The following PTPRN2 variants were observed in gnomAD, a reference collection of about 807,000 sequenced individuals.
PTPRN2 encodes receptor-type tyrosine-protein phosphatase N2.
PTPRN2 carries 74 observed loss-of-function variants against 118.8 expected under a neutral mutation model. That is an observed-to-expected ratio of 0.62 (90% CI 0.52 to 0.76). The LOEUF is 0.76. Among genes scored for constraint, PTPRN2 ranks in the 30% least tolerant of loss-of-function variants. The pLI, the probability that PTPRN2 is intolerant of heterozygous loss-of-function variation, is 0.00. For synonymous variants in PTPRN2, 641 were observed against 608.0 expected (o/e 1.05, Z -0.80); for missense variants, 1,481 against 1,394.4 (o/e 1.06, Z -0.99).
intron 12 of PTPRN2, among the ~76,000 whole-genome samples, chr7:157,846,960 T>A (rs1052427967): frequency 2.0e-5 from 3 of 150,856 alleles, no homozygotes; most frequent in Admixed American, 6.6e-5. Flanking sequence ...GTGTGCCCAA[T>A]GTTTACAGAG....
At chr7:158,417,386 T>A (rs1015972658) in intron 2 of PTPRN2, among the ~76,000 whole-genome samples, 2 of 151,586 alleles carry the variant, frequency 1.3e-5, no homozygotes, top group Non-Finnish European at 2.9e-5. Flanking sequence ...CGAGATGCTG[T>A]AGCTTTCAGT....
intron 1 of PTPRN2, among the ~76,000 whole-genome samples, chr7:158,541,970 AAC>A (rs1452356327): frequency 1.3e-5 from 2 of 152,298 alleles, no homozygotes; most frequent in Non-Finnish European, 2.9e-5. Context: ...ACCATGAATT[AAC>A]AGACTGCCAA....
intron 12 of PTPRN2, among the ~76,000 whole-genome samples, chr7:157,895,093 G>A (rs765869236): frequency 6.6e-6 from 1 of 152,134 alleles, no homozygotes; most frequent in Non-Finnish European, 1.5e-5. Context: ...AGCAGGAGCT[G>A]TAGAAAGCGA....
intron 12 of PTPRN2, among the ~76,000 whole-genome samples, chr7:157,725,434 C>T (rs1799508596): frequency 1.0e-5 from 1 of 96,282 alleles, no homozygotes; most frequent in African/African-American, 4.5e-5. Flanking sequence ...CCTCGCCTCC[C>T]AGGAGAACTG....
intron 9 of PTPRN2, among the ~76,000 whole-genome samples, chr7:158,116,621 A>G (rs910977948): frequency 6.6e-6 from 1 of 152,256 alleles, no homozygotes. Context: ...TTCTCATCAC[A>G]GAGGTGCAGG....
chr7:157,746,972 T>C (rs1333342209), intron 12 of PTPRN2, among the ~76,000 whole-genome samples: 2 of 150,294 alleles, frequency 1.3e-5, no homozygotes, highest in Admixed American at 1.3e-4. Context: ...GTCTCTCAGC[T>C]GTGGGCTGTT....
At chr7:157,824,842 G>T (rs113386133) in intron 12 of PTPRN2, among the ~76,000 whole-genome samples, 1 of 152,192 alleles carries the variant, frequency 6.6e-6, no homozygotes, top group South Asian at 2.1e-4. Context: ...GGCAGAACCC[G>T]CCTCGCCTTG....
intron 1 of PTPRN2, among the ~76,000 whole-genome samples, chr7:158,506,853 T>C (rs1387862497): frequency 6.6e-6 from 1 of 152,076 alleles, no homozygotes; most frequent in Non-Finnish European, 1.5e-5. Context: ...GCCAGCCCGA[T>C]GGTTGCAAGA....
rs1827223794 is a variant in PTPRN2, at chr7:158,559,163, G to A, written c.112+28395C>T. Among the ~76,000 whole-genome samples, 3 of 152,116 alleles carry A rather than the reference G, an allele frequency of 2.0e-5. No homozygotes were observed. In the South Asian group the frequency reaches 6.2e-4, roughly 32 times the overall value. On this transcript the variant is annotated intron_variant, in intron 1 of 22. Coordinates refer to ENST00000389418, the MANE Select transcript of PTPRN2 (RefSeq NM_002847.5). ...GAGATTCTTCTCTCATGTTTTCTTT[G>A]TTCTTCATCACCCCATTTAAAAAGG... is the stretch of plus-strand genomic sequence containing the variant.
chr7:158,582,812 A>AAC (rs1828703288), intron 1 of PTPRN2, among the ~76,000 whole-genome samples: 1 of 151,464 alleles, frequency 6.6e-6, no homozygotes, highest in African/African-American at 2.4e-5. Flanking sequence ...AAAAAAAAAA[A>AAC]AAAAAAAAAG....
In PTPRN2 at chr7:158,252,951, G is replaced by A. The variant is rs112782580; in HGVS notation, c.278-47678C>T. Among the ~76,000 whole-genome samples the A allele has an allele frequency of 6.9e-4, 105 of 152,268 alleles. 1 individual carries two copies. The highest frequency in any genetic ancestry group is 2.0e-3 in the African/African-American group (85 of 41,548). ...ATCTTCCCTCACCCTTGGGCTGGCG[G>A]AGTGAGAGTCCCTGTGGCCCGAGGT... On this transcript the variant is annotated intron_variant, in intron 3 of 22. Coordinates refer to ENST00000389418, the MANE Select transcript of PTPRN2 (RefSeq NM_002847.5).
Position 158,171,254 on chromosome 7 carries a change from CAT to C in PTPRN2, c.550-3965_550-3964del, listed in dbSNP as rs1179545495. On this transcript the variant is annotated intron_variant, in intron 5 of 22. Coordinates refer to ENST00000389418, the MANE Select transcript of PTPRN2 (RefSeq NM_002847.5). ...ACATATATATACACATATATACACA[CAT>C]ATATATACACACATATATACACACA... 1.2e-3 allele frequency among the ~76,000 whole-genome samples: 144 copies of C among 122,202 alleles called. 8 individuals are homozygous for C. Among genetic ancestry groups the C allele is most frequent in the East Asian group, 6.8e-3 (28 of 4,134 alleles). The allele number at this position is 122,202 out of a possible 152,430, so 80.2% of individuals were successfully genotyped here. A position where few individuals can be genotyped will look rare whatever the true frequency, so the allele number is the denominator to read the frequency against.
At chr7:158,365,836 G>GCGCACACA (rs1554480252) in intron 2 of PTPRN2, among the ~76,000 whole-genome samples, 3 of 14,740 alleles carry the variant, frequency 2.0e-4, no homozygotes, top group Non-Finnish European at 1.1e-3. Context: ...GTGCATGCGT[G>GCGCACACA]CACACACACA....
chr7:157,576,509 G>A, intron 19 of PTPRN2, 104 bp downstream of exon 19: 1 of 1,233,402 alleles, frequency 8.1e-7, no homozygotes, highest in South Asian at 1.6e-5. Flanking sequence ...CGCCGACACA[G>A]ACGCGGCCCT....
chr7:158,209,152 C>T (rs1827389731), intron 3 of PTPRN2, among the ~76,000 whole-genome samples: 1 of 150,342 alleles, frequency 6.7e-6, no homozygotes, highest in South Asian at 2.1e-4. Context: ...AAGAGAAGAC[C>T]ACAAAACAAT....
intron 12 of PTPRN2, among the ~76,000 whole-genome samples, chr7:157,820,446 TC>T (rs1286674632): frequency 2.1e-5 from 3 of 146,062 alleles, no homozygotes; most frequent in Admixed American, 6.8e-5. Context: ...ACACAGCAGA[TC>T]CCCACACACA....
intron 11 of PTPRN2, among the ~76,000 whole-genome samples, chr7:157,956,795 G>C (rs142022549): frequency 1.3e-5 from 2 of 152,234 alleles, no homozygotes; most frequent in Non-Finnish European, 2.9e-5. Flanking sequence ...CAGAAGGCCT[G>C]ACTGCTTTTG....
chr7:158,587,615 C>T lies in PTPRN2; in HGVS notation c.55G>A (p.Val19Ile), dbSNP rs1391586375. Reference protein sequence around the residue: ...LLLLLLLPPRVLPAAPSSVPR... With the variant: ...LLLLLLLPPRILPAAPSSVPR... ...ACGGACGAAGGGGCGGCAGGCAGGA[C>T]GCGTGGCGGCAGCAGCAGCAGTAGC... The change falls in exon 1 of 23, where the codon GTC (valine) becomes ATC (isoleucine). Residue 19 changes from valine to isoleucine, a missense_variant. Val to Ile is a conservative substitution (Grantham distance 29). Coordinates refer to ENST00000389418, the MANE Select transcript of PTPRN2 (RefSeq NM_002847.5). 7.3e-7 allele frequency: 1 copy of T among 1,361,450 alleles called. No individual in the cohort carries two copies. The allele number at this position is 1,361,450 out of a possible 1,614,324, so 84.3% of individuals were successfully genotyped here. A position where few individuals can be genotyped will look rare whatever the true frequency, so the allele number is the denominator to read the frequency against.
In PTPRN2 at chr7:157,799,801, C is replaced by G. The variant is rs1009899504; in HGVS notation, c.1788+98872G>C. On this transcript the variant is annotated intron_variant, in intron 12 of 22. Transcript: ENST00000389418. Reference sequence around the variant, plus strand: ...CCTCAGAGTCACCACAATCGGCCTACCCCGTCCCTCAGAGGCACCACAGCC... The same window carrying G: ...CCTCAGAGTCACCACAATCGGCCTAGCCCGTCCCTCAGAGGCACCACAGCC... Among the ~76,000 whole-genome samples the G allele has an allele frequency of 9.7e-4, 120 of 123,612 alleles. 3 individuals carry two copies. Among genetic ancestry groups the G allele is most frequent in the Non-Finnish European group, 1.5e-3 (86 of 56,622 alleles). The allele number at this position is 123,612 out of a possible 152,430, so 81.1% of individuals were successfully genotyped here.
Sources: allele counts gnomAD v4.1 joint callset (sites outside exome capture counted in the v4.1 genomes callset), GRCh38; gene constraint gnomAD v4.1.1; transcripts MANE v1.5; gene names NCBI Gene and HGNC (gene_info 2026-07-23, HGNC 2026-07-21).